Variants in TRAF3IP2 observed in about 807,000 individuals in gnomAD.
TRAF3IP2 encodes TRAF3 interacting protein 2.
TRAF3IP2 carries 35 observed loss-of-function variants against 57.9 expected under a neutral mutation model. The ratio of observed to expected loss-of-function variants is 0.60; its 90% CI spans 0.46 to 0.80. The LOEUF (loss-of-function observed/expected upper bound fraction) is 0.80. Among genes scored for constraint, TRAF3IP2 ranks in the 30% least tolerant of loss-of-function variants. The pLI is 0.00. For missense variants in TRAF3IP2, 556 were observed against 706.4 expected, an observed-to-expected ratio of 0.79 and a Z score of 2.41; for synonymous variants, 251 against 268.9, an observed-to-expected ratio of 0.93 and a Z score of 0.65.
chr6:111,605,640 C>G (rs1247061829), intron 1 of TRAF3IP2, 136 bp downstream of exon 1: 1 of 152,278 alleles, frequency 6.6e-6, no homozygotes, highest in Non-Finnish European at 1.5e-5. Flanking sequence ...TCTGTGCGAA[C>G]AAGTTAAAGG....
At position 111,556,194 on chromosome 6, in the gene TRAF3IP2, G is replaced by A. The variant is rs190908201; in HGVS notation, c.*3211C>T. Among the ~76,000 whole-genome samples the A allele has an allele frequency of 3.7e-3, 558 of 151,590 alleles. 3 individuals are homozygous for A. The highest frequency in any genetic ancestry group is 4.6e-3 in the African/African-American group (192 of 41,310). ...AAGCTTTTGTCACTTGGCCAAGTGC[G>A]TGTGTGTGTGTATGTGTGCGTGTGT... On this transcript the variant is annotated 3_prime_UTR_variant, in exon 9 of 9. Coordinates refer to ENST00000368761, the MANE Select transcript of TRAF3IP2 (RefSeq NM_147686.4).
At chr6:111,590,279 C>T (rs1417667282) in intron 2 of TRAF3IP2, among the ~76,000 whole-genome samples, 5 of 152,148 alleles carry the variant, frequency 3.3e-5, no homozygotes, top group Admixed American at 2.0e-4. Context: ...TGCATAAAAA[C>T]TTGCAGTCTA....
At chr6:111,581,931 T>C (rs1796176976) in intron 2 of TRAF3IP2, among the ~76,000 whole-genome samples, 1 of 152,184 alleles carries the variant, frequency 6.6e-6, no homozygotes, top group Non-Finnish European at 1.5e-5. Flanking sequence ...TGAGCTGAGA[T>C]TGTGCCATTG....
Position 111,591,974 on chromosome 6 carries a change from T to G in TRAF3IP2, c.113A>C (p.Asn38Thr). The change falls in exon 2 of 9, where the codon AAT becomes ACT. Residue 38 changes from asparagine to threonine, a missense_variant. By Grantham distance (65) the Asn-to-Thr change is moderately conservative. Transcript: ENST00000368761. This position sits in a 1 kb window ranked among gnomAD's most constrained non-coding sequence, Gnocchi z 4.9. ...PEEESEPPAPNIRNMAPNSLS... is the reference protein window; with the variant it reads ...PEEESEPPAPTIRNMAPNSLS... ...GCTGTTGGGTGCCATGTTCCTTATA[T>G]TTGGAGCAGGTGGTTCTGATTCCTC... is the stretch of plus-strand genomic sequence containing the variant. 6.2e-7 allele frequency: 1 copy of G among 1,614,196 alleles called. No homozygotes were observed. The highest frequency in any genetic ancestry group is 8.5e-7 in the Non-Finnish European group (1 of 1,180,030).
Position 111,580,292 on chromosome 6 carries a change from A to G in TRAF3IP2, c.927T>C (p.Pro309=). ...GATAATTCAGGATAACCTTCTGCACAGGGTGCAGGCCTCTCACACTGGCTC... is the reference window on the plus strand; with the variant it reads ...GATAATTCAGGATAACCTTCTGCACGGGGTGCAGGCCTCTCACACTGGCTC... The part of the protein sequence containing the change: ...LPGASVRGLH[P]VQKVILNYPS... Residue 309 remains proline, a synonymous_variant, in exon 3 of 9, where the codon CCT becomes CCC. Transcript: ENST00000368761. 8 of 1,613,750 alleles carry G rather than the reference A, an allele frequency of 5.0e-6. No homozygotes were observed. Among genetic ancestry groups the G allele is most frequent in the Non-Finnish European group, 6.8e-6 (8 of 1,179,820 alleles).
intron 3 of TRAF3IP2, 87 bp downstream of exon 3, chr6:111,580,110 T>C: frequency 6.7e-7 from 1 of 1,493,120 alleles, no homozygotes; most frequent in African/African-American, 1.4e-5. Context: ...TTAGCAAACC[T>C]ATAGAGAATT....
chr6:111,573,435 C>A (rs1795890333), intron 4 of TRAF3IP2: 1 of 154,948 alleles, frequency 6.5e-6, no homozygotes, highest in Non-Finnish European at 1.4e-5. Context: ...CTCTGCTGCC[C>A]TGAAATCTCG....
At chr6:111,587,280 G>A (rs1562431116) in intron 2 of TRAF3IP2, 1 of 152,074 alleles carries the variant, frequency 6.6e-6, no homozygotes, top group African/African-American at 2.4e-5. Flanking sequence ...TTTTAAGACT[G>A]AGTCTCATTC....
intron 6 of TRAF3IP2, 143 bp downstream of exon 6, chr6:111,567,481 G>A (rs557952106): frequency 9.2e-6 from 12 of 1,305,926 alleles, no homozygotes; most frequent in East Asian, 8.6e-5. Flanking sequence ...GTCTTTGCAC[G>A]GCTTCCAACA....
At chr6:111,583,379 C>T (rs932191632) in intron 2 of TRAF3IP2, among the ~76,000 whole-genome samples, 1 of 152,222 alleles carries the variant, frequency 6.6e-6, no homozygotes, top group Admixed American at 6.5e-5. Context: ...AGGAACCAGG[C>T]CACACAGTAG....
At chr6:111,581,893 C>T (rs1214258230) in intron 2 of TRAF3IP2, among the ~76,000 whole-genome samples, 1 of 152,200 alleles carries the variant, frequency 6.6e-6, no homozygotes, top group East Asian at 1.9e-4. Flanking sequence ...CAGGAGAAAC[C>T]CTTGAACTTG....
At chr6:111,567,317 G>T in intron 6 of TRAF3IP2, 1 of 1,102,690 alleles carries the variant, frequency 9.1e-7, no homozygotes. Flanking sequence ...ATTGAATTCT[G>T]CTGCTCTCTC....
intron 8 of TRAF3IP2, among the ~76,000 whole-genome samples, chr6:111,562,197 A>G (rs1795469932): frequency 6.6e-6 from 1 of 152,226 alleles, no homozygotes; most frequent in Admixed American, 6.5e-5. Flanking sequence ...TTCTGGTGTG[A>G]AAAGCCTCAT....
At chr6:111,565,260 G>A (rs1050532267) in intron 7 of TRAF3IP2, 1 of 152,100 alleles carries the variant, frequency 6.6e-6, no homozygotes, top group Non-Finnish European at 1.5e-5. Flanking sequence ...ACAGACCTGG[G>A]ACCTACATCT....
At chr6:111,586,114 G>A (rs923435595) in intron 2 of TRAF3IP2, among the ~76,000 whole-genome samples, 5 of 152,172 alleles carry the variant, frequency 3.3e-5, no homozygotes, top group Non-Finnish European at 5.9e-5. Context: ...AATATAAACT[G>A]TTGCAGGAAC....
chr6:111,561,082 T>A (rs2128368819), intron 8 of TRAF3IP2, among the ~76,000 whole-genome samples: 2 of 151,710 alleles, frequency 1.3e-5, no homozygotes, highest in Middle Eastern at 6.8e-3. Flanking sequence ...CTTGGGAGGC[T>A]GAGGCAGGAG....
rs1002037030 is a variant in TRAF3IP2, at chr6:111,591,096, T to C, written c.829+162A>G. ...AGAAAAAGCATTCTCTGCAGGCCCT[T>C]TGCAAATCCAGCCACACATGGAAAG... is the stretch of plus-strand genomic sequence containing the variant. On this transcript the variant is annotated intron_variant, in intron 2 of 8. Coordinates refer to ENST00000368761, the MANE Select transcript of TRAF3IP2 (RefSeq NM_147686.4). The surrounding 1 kb of genome is among the most constrained non-coding windows in gnomAD (Gnocchi z 4.9). 2.0e-5 allele frequency among the ~76,000 whole-genome samples: 3 copies of C among 152,050 alleles called. No homozygotes were observed. The highest frequency in any genetic ancestry group is 6.5e-5 in the Admixed American group (1 of 15,270).
At chr6:111,567,184 G>A in intron 6 of TRAF3IP2, 1 of 1,003,688 alleles carries the variant, frequency 1.0e-6, no homozygotes, top group South Asian at 4.3e-5. Flanking sequence ...TTCTGTCAGT[G>A]GAGAACAAAT....
chr6:111,585,844 C>A (rs1476915407), intron 2 of TRAF3IP2, among the ~76,000 whole-genome samples: 1 of 152,172 alleles, frequency 6.6e-6, no homozygotes. Flanking sequence ...AATGGGCGCC[C>A]AGGACTGTAT....
Sources: gnomAD v4.1 joint callset for allele counts (sites outside exome capture counted in the v4.1 genomes callset) on GRCh38, gnomAD v4.1.1 for gene constraint, Gnocchi (gnomAD v3.1) non-coding constraint, MANE v1.5 for transcripts, NCBI Gene and HGNC (gene_info 2026-07-23, HGNC 2026-07-21) for gene names.